The following BRINP2 variants were observed in gnomAD, a reference collection of about 807,000 sequenced individuals.
BRINP2 encodes the protein BMP/retinoic acid inducible neural specific 2, also known as BMP/retinoic acid-inducible neural-specific protein 2.
In BRINP2, 21 loss-of-function variants were observed where a neutral mutation model predicts 69.2. That is an observed-to-expected ratio of 0.30 (90% CI 0.22 to 0.44). The LOEUF is 0.44. Ranked by LOEUF, BRINP2 falls within the 20% of genes least tolerant of loss-of-function variation. The pLI, the probability that BRINP2 is intolerant of heterozygous loss-of-function variation, is 1.00. For missense variants in BRINP2, 877 were observed against 986.0 expected (o/e 0.89, Z 1.48); for synonymous variants, 380 against 394.1 (o/e 0.96, Z 0.42).
intron 4 of BRINP2, among the ~76,000 whole-genome samples, chr1:177,266,681 A>T (rs1389311630): frequency 6.7e-6 from 1 of 149,904 alleles, no homozygotes; most frequent in Non-Finnish European, 1.5e-5. Flanking sequence ...AATGGCATGA[A>T]CTGGCGAGGT....
intron 1 of BRINP2, among the ~76,000 whole-genome samples, chr1:177,201,520 T>C (rs539970025): frequency 6.6e-6 from 1 of 152,348 alleles, no homozygotes; most frequent in African/African-American, 2.4e-5. Flanking sequence ...TTTGCTTAGA[T>C]ATAGTTAGTT....
At chr1:177,250,622 G>C (rs1571931035) in intron 2 of BRINP2, among the ~76,000 whole-genome samples, 1 of 152,220 alleles carries the variant, frequency 6.6e-6, no homozygotes, top group Admixed American at 6.5e-5. Flanking sequence ...ACGGCGCCCG[G>C]CTGCCACTTG....
At chr1:177,237,243 A>G (rs1204207027) in intron 2 of BRINP2, among the ~76,000 whole-genome samples, 2 of 152,220 alleles carry the variant, frequency 1.3e-5, no homozygotes, top group Admixed American at 6.5e-5. Flanking sequence ...CCTTCGTGCA[A>G]TGCATTATTC....
At chr1:177,276,741 G>C (rs910182273) in intron 6 of BRINP2, among the ~76,000 whole-genome samples, 1 of 152,216 alleles carries the variant, frequency 6.6e-6, no homozygotes, top group Non-Finnish European at 1.5e-5. Context: ...ACAGTGCCTA[G>C]AGCAATGCTT....
rs7513704 is a variant in BRINP2 at position 177,201,712 on chromosome 1, C to T, written c.-76-28089C>T. ...CTGGGTATCAGGATGATGCTGGCCT[C>T]TTAAAATGAGTTAGGGAGGATTCCC... is the stretch of plus-strand genomic sequence containing the variant. On this transcript the variant is annotated intron_variant, in intron 1 of 7. Coordinates refer to ENST00000361539, the MANE Select transcript of BRINP2 (RefSeq NM_021165.4). 7.0e-3 allele frequency among the ~76,000 whole-genome samples: 1,065 copies of T among 152,298 alleles called. 12 individuals carry two copies. The highest frequency in any genetic ancestry group is 0.023 in the African/African-American group (961 of 41,560).
intron 1 of BRINP2, among the ~76,000 whole-genome samples, chr1:177,207,337 C>CT (rs1448503289): frequency 6.6e-6 from 1 of 152,076 alleles, no homozygotes; most frequent in Non-Finnish European, 1.5e-5. Flanking sequence ...AACTTTGAAC[C>CT]TGAGGCAAAG....
intron 2 of BRINP2, among the ~76,000 whole-genome samples, chr1:177,236,899 A>G (rs1650044758): frequency 6.7e-6 from 1 of 149,910 alleles, no homozygotes. Flanking sequence ...TTAGACACTG[A>G]TTTCTTCCAG....
At chr1:177,265,075 C>T (rs532948470) in intron 4 of BRINP2, among the ~76,000 whole-genome samples, 62 of 152,104 alleles carry the variant, frequency 4.1e-4, no homozygotes, top group Non-Finnish European at 7.2e-4. Flanking sequence ...CTACAGTAAC[C>T]GAAATAGCAC....
intron 1 of BRINP2, among the ~76,000 whole-genome samples, chr1:177,203,491 A>C (rs1345389019): frequency 6.6e-6 from 1 of 152,186 alleles, no homozygotes; most frequent in Non-Finnish European, 1.5e-5. Context: ...CGATAAAAAA[A>C]TAAAAAAAGA....
In BRINP2 at chr1:177,175,307, G is replaced by A. The variant is rs538437795; in HGVS notation, c.-77+3575G>A. ...AAGCGGGGTGGGGGGGGCAGGATGC[G>A]GTGTTGCCTGAAGCTGTACCACAGG... is the stretch of plus-strand genomic sequence containing the variant. On this transcript the variant is annotated intron_variant, in intron 1 of 7. Transcript: ENST00000361539. Among the ~76,000 whole-genome samples, 10 of 152,236 alleles carry A rather than the reference G, an allele frequency of 6.6e-5. No homozygotes were observed. The East Asian group carries it at 1.4e-3, about 21-fold the overall frequency.
At position 177,224,519 on chromosome 1, in the gene BRINP2, G is replaced by A. The variant is rs113914526; in HGVS notation, c.-76-5282G>A. 3.9e-3 allele frequency among the ~76,000 whole-genome samples: 599 copies of A among 152,102 alleles called. 5 individuals carry two copies. Among genetic ancestry groups the A allele is most frequent in the African/African-American group, 0.013 (554 of 41,498 alleles). ...ACCTGACCTCATAAATCATTTAACC[G>A]ATGATACAGTGAAGGTCCCAGAGGG... On this transcript the variant is annotated intron_variant, in intron 1 of 7. Coordinates refer to ENST00000361539, the MANE Select transcript of BRINP2 (RefSeq NM_021165.4).
At chr1:177,213,012 T>A (rs189289267) in intron 1 of BRINP2, among the ~76,000 whole-genome samples, 306 of 152,238 alleles carry the variant, frequency 2.0e-3, no homozygotes, top group African/African-American at 7.0e-3. Context: ...TTCTATTGGT[T>A]TTATTGTTGT....
At chr1:177,190,228 C>A (rs1003453484) in intron 1 of BRINP2, among the ~76,000 whole-genome samples, 8 of 152,170 alleles carry the variant, frequency 5.3e-5, no homozygotes, top group African/African-American at 1.4e-4. Flanking sequence ...GGAAAGGCTG[C>A]AAAAACTCTA....
intron 1 of BRINP2, among the ~76,000 whole-genome samples, chr1:177,223,701 C>G (rs1382964031): frequency 6.6e-6 from 1 of 152,084 alleles, no homozygotes; most frequent in African/African-American, 2.4e-5. Flanking sequence ...TTAGCTCTTA[C>G]CATTGCATAA....
chr1:177,182,551 A>G (rs1464870619), intron 1 of BRINP2, among the ~76,000 whole-genome samples: 1 of 152,148 alleles, frequency 6.6e-6, no homozygotes, highest in African/African-American at 2.4e-5. Context: ...GAATTTCCCA[A>G]AGAGGGCTGC....
intron 4 of BRINP2, among the ~76,000 whole-genome samples, chr1:177,271,691 C>T (rs749209377): frequency 5.3e-5 from 8 of 152,144 alleles, no homozygotes; most frequent in African/African-American, 1.2e-4. Context: ...GGCGTGGCCT[C>T]GGTCTAGTTC....
intron 4 of BRINP2, among the ~76,000 whole-genome samples, chr1:177,269,293 T>C (rs1651231884): frequency 6.6e-6 from 1 of 152,228 alleles, no homozygotes; most frequent in African/African-American, 2.4e-5. Flanking sequence ...CACCAAATGA[T>C]ACAGAGCACA....
intron 1 of BRINP2, among the ~76,000 whole-genome samples, chr1:177,197,128 A>T (rs967191845): frequency 8.5e-5 from 13 of 152,204 alleles, no homozygotes; most frequent in African/African-American, 3.1e-4. Context: ...TTTAAAAAAA[A>T]TTGGCTCACA....
rs541233431 is a variant in BRINP2, at chr1:177,197,606, G to C, written c.-77+25874G>C. On this transcript the variant is annotated intron_variant, in intron 1 of 7. Transcript: ENST00000361539. The stretch of plus-strand genomic sequence containing the variant: ...ACAAACTGTGGTAGGCCTTGATCTT[G>C]AACTTTCCAGCCTCTACAACTGTGA... Among the ~76,000 whole-genome samples, 4 of 152,264 alleles carry C rather than the reference G, an allele frequency of 2.6e-5. No homozygotes were observed. The South Asian group carries it at 8.3e-4, about 32-fold the overall frequency.
Sources: allele counts gnomAD v4.1 joint callset (sites outside exome capture counted in the v4.1 genomes callset), GRCh38; gene constraint gnomAD v4.1.1; transcripts MANE v1.5; gene names NCBI Gene and HGNC (gene_info 2026-07-23, HGNC 2026-07-21).